Variants in AGBL4 observed in about 807,000 individuals in gnomAD.
AGBL4 encodes cytosolic carboxypeptidase 6.
A neutral mutation model predicts 66.4 loss-of-function variants in AGBL4; 58 were observed. That is an observed-to-expected ratio of 0.87 (90% CI 0.71 to 1.09). AGBL4 has a LOEUF of 1.09. AGBL4 is among the 50% of genes least tolerant of loss of function. The probability of loss-of-function intolerance (pLI) is 0.00; values close to 1 mark genes in which losing one functional copy is unlikely to be tolerated. For synonymous variants in AGBL4, 234 were observed against 222.9 expected (o/e 1.05, Z -0.44); for missense variants, 579 against 631.0 (o/e 0.92, Z 0.88).
chr1:49,513,934 T>G (rs1431926236), intron 3 of AGBL4, among the ~76,000 whole-genome samples: 1 of 152,014 alleles, frequency 6.6e-6, no homozygotes, highest in Non-Finnish European at 1.5e-5. Context: ...AGGACTCCAT[T>G]TCATGGGCTA....
chr1:49,537,744 G>GAAACCCC (rs1002679761), intron 3 of AGBL4, among the ~76,000 whole-genome samples: 6 of 152,138 alleles, frequency 3.9e-5, no homozygotes, highest in Non-Finnish European at 5.9e-5. Flanking sequence ...CTAAAAGGGT[G>GAAACCCC]AAACCCCGTC....
intron 6 of AGBL4, among the ~76,000 whole-genome samples, chr1:48,691,628 A>G (rs1031740583): frequency 4.6e-4 from 70 of 152,294 alleles, no homozygotes; most frequent in African/African-American, 1.6e-3. Flanking sequence ...TGTTCTACAC[A>G]GTTCATTCCA....
At chr1:49,284,397 G>A (rs993663160) in intron 3 of AGBL4, among the ~76,000 whole-genome samples, 15 of 151,972 alleles carry the variant, frequency 9.9e-5, no homozygotes, top group East Asian at 9.7e-4. Context: ...AGGAACAACC[G>A]GTACCAGCCA....
intron 3 of AGBL4, among the ~76,000 whole-genome samples, chr1:49,689,633 AC>A (rs1321046900): frequency 1.3e-5 from 2 of 152,150 alleles, no homozygotes; most frequent in East Asian, 3.9e-4. Flanking sequence ...GATAGAGATT[AC>A]ATTCAATCTA....
intron 3 of AGBL4, among the ~76,000 whole-genome samples, chr1:49,539,895 G>A (rs1488920450): frequency 6.6e-6 from 1 of 152,116 alleles, no homozygotes; most frequent in East Asian, 1.9e-4. Flanking sequence ...GCAGAAGCAT[G>A]GTAAGAGCAA....
At chr1:49,603,583 TAGAA>T (rs1300476850) in intron 3 of AGBL4, among the ~76,000 whole-genome samples, 8 of 150,386 alleles carry the variant, frequency 5.3e-5, no homozygotes, top group Non-Finnish European at 8.9e-5. Flanking sequence ...AACAAATAAA[TAGAA>T]AGGGAAGAGT....
chr1:49,932,509 C>T (rs1383795068), intron 1 of AGBL4, among the ~76,000 whole-genome samples: 10 of 151,982 alleles, frequency 6.6e-5, no homozygotes. Context: ...ATAAACTGGA[C>T]TTAATCAAAA....
chr1:48,541,266 A>G (rs1644063502), intron 11 of AGBL4, among the ~76,000 whole-genome samples: 1 of 152,198 alleles, frequency 6.6e-6, no homozygotes, highest in African/African-American at 2.4e-5. Context: ...TTGCTGGGAT[A>G]GGGGTCTCTC....
At chr1:49,231,427 GT>G (rs778539823) in intron 4 of AGBL4, among the ~76,000 whole-genome samples, 25 of 152,274 alleles carry the variant, frequency 1.6e-4, no homozygotes, top group Non-Finnish European at 3.5e-4. Flanking sequence ...TAGAGATACT[GT>G]TTTTCTTCAA....
intron 3 of AGBL4, among the ~76,000 whole-genome samples, chr1:49,620,544 G>T (rs1645339926): frequency 6.6e-6 from 1 of 152,144 alleles, no homozygotes; most frequent in South Asian, 2.1e-4. Context: ...TTCAACCACT[G>T]CGGAAGACAA....
At chr1:49,678,018 A>G (rs1261081843) in intron 3 of AGBL4, among the ~76,000 whole-genome samples, 1 of 152,202 alleles carries the variant, frequency 6.6e-6, no homozygotes, top group Non-Finnish European at 1.5e-5. Flanking sequence ...TAAACAGTGC[A>G]GAGCTGGTGC....
At chr1:49,921,615 G>A (rs573088606) in intron 1 of AGBL4, among the ~76,000 whole-genome samples, 5 of 152,116 alleles carry the variant, frequency 3.3e-5, no homozygotes, top group Non-Finnish European at 7.4e-5. Flanking sequence ...AGCCAACAGA[G>A]CACCCTTCAG....
intron 3 of AGBL4, among the ~76,000 whole-genome samples, chr1:49,257,677 G>C (rs954615855): frequency 2.6e-5 from 4 of 152,238 alleles, no homozygotes; most frequent in Non-Finnish European, 5.9e-5. Context: ...TGCACCCACT[G>C]TCCTGCGCCC....
At chr1:49,938,266 G>T (rs1488868827) in intron 1 of AGBL4, among the ~76,000 whole-genome samples, 1 of 152,154 alleles carries the variant, frequency 6.6e-6, no homozygotes, top group Admixed American at 6.5e-5. Context: ...TAAATTCCTC[G>T]ACACATACAC....
At chr1:49,698,879 CAT>C (rs1571352452) in intron 2 of AGBL4, among the ~76,000 whole-genome samples, 1 of 151,970 alleles carries the variant, frequency 6.6e-6, no homozygotes, top group East Asian at 1.9e-4. Flanking sequence ...ATTACTGTGG[CAT>C]ATAGTGTCCA....
chr1:48,556,145 T>C (rs1048563968), intron 11 of AGBL4, among the ~76,000 whole-genome samples: 33 of 152,194 alleles, frequency 2.2e-4, no homozygotes, highest in Admixed American at 6.5e-5. Context: ...CTAATGCTCT[T>C]CTTTGGACAT....
chr1:49,825,269 A>G (rs1051278173), intron 2 of AGBL4, among the ~76,000 whole-genome samples: 23 of 152,332 alleles, frequency 1.5e-4, no homozygotes, highest in African/African-American at 5.5e-4. Flanking sequence ...CTAAACAATC[A>G]TGCATCTTAT....
At chr1:49,736,035 TC>T (rs1649862258) in intron 2 of AGBL4, among the ~76,000 whole-genome samples, 1 of 151,698 alleles carries the variant, frequency 6.6e-6, no homozygotes, top group African/African-American at 2.4e-5. Flanking sequence ...GCCACAGAAA[TC>T]TTTGGGAAAC....
rs138828873 is a variant in AGBL4 at position 48,822,133 on chromosome 1, G to A, written c.634+45058C>T. 2.9e-3 allele frequency among the ~76,000 whole-genome samples: 435 copies of A among 152,212 alleles called. 1 individual carries two copies. The highest frequency in any genetic ancestry group is 9.8e-3 in the African/African-American group (407 of 41,540). On this transcript the variant is annotated intron_variant, in intron 6 of 13. Transcript: ENST00000371839. ...AGTTATAAAATGATACAAACACCTT[G>A]GAAAACTGGAAGTTTCTTATATAAT...
Sources: gnomAD v4.1 joint callset for allele counts (sites outside exome capture counted in the v4.1 genomes callset) on GRCh38, gnomAD v4.1.1 for gene constraint, MANE v1.5 for transcripts, NCBI Gene and HGNC (gene_info 2026-07-23, HGNC 2026-07-21) for gene names.